CA12: variants seen among roughly 807,000 people sequenced by gnomAD.
The protein encoded by CA12 is carbonate dehydratase XII.
CA12 carries 36 observed loss-of-function variants against 46.8 expected under a neutral mutation model. The ratio of observed to expected loss-of-function variants is 0.77; its 90% CI spans 0.59 to 1.02. The LOEUF (loss-of-function observed/expected upper bound fraction) is 1.02, where lower values mean the gene tolerates loss of function less well. Ranked by LOEUF, CA12 falls within the 50% of genes least tolerant of loss-of-function variation. The pLI, the probability that CA12 is intolerant of heterozygous loss-of-function variation, is 0.00. For synonymous variants in CA12, 202 were observed against 187.0 expected (o/e 1.08, Z -0.65); for missense variants, 436 against 451.4 (o/e 0.97, Z 0.31).
chr15:63,381,828 G>T lies in CA12; in HGVS notation c.-108C>A. ...GCGTGCGCGCAGCCTGGGTGCCGTG[G>T]CGAGTACGTCCGCCCTTCGCTCTCC... is the stretch of plus-strand genomic sequence containing the variant. On this transcript the variant is annotated 5_prime_UTR_variant, in exon 1 of 11. Transcript: ENST00000178638. 1 of 668,848 alleles carries T rather than the reference G, an allele frequency of 1.5e-6. No homozygotes were observed. The highest frequency in any genetic ancestry group is 2.3e-6 in the Non-Finnish European group (1 of 435,546). The allele number at this position is 668,848 out of a possible 1,614,324, so 41.4% of individuals were successfully genotyped here. A position where few individuals can be genotyped will look rare whatever the true frequency, so the allele number is the denominator to read the frequency against.
At chr15:63,333,881 C>A (rs1034882595) in intron 8 of CA12, among the ~76,000 whole-genome samples, 10 of 152,194 alleles carry the variant, frequency 6.6e-5, no homozygotes, top group Non-Finnish European at 1.5e-4. Flanking sequence ...ATTATAGAAA[C>A]TTCTTGGCTT....
intron 8 of CA12, among the ~76,000 whole-genome samples, chr15:63,337,879 T>C (rs555508487): frequency 2.0e-5 from 3 of 152,182 alleles, no homozygotes; most frequent in African/African-American, 7.2e-5. Flanking sequence ...TCTTTAAATA[T>C]GAACGCCAGG....
intron 2 of CA12, among the ~76,000 whole-genome samples, chr15:63,363,944 T>C (rs1421827290): frequency 6.6e-6 from 1 of 151,920 alleles, no homozygotes; most frequent in African/African-American, 2.4e-5. Flanking sequence ...TCCTGGCACT[T>C]TGGGAGGCCG....
At chr15:63,332,686 T>C (rs921715211) in intron 8 of CA12, among the ~76,000 whole-genome samples, 2 of 152,166 alleles carry the variant, frequency 1.3e-5, no homozygotes, top group Non-Finnish European at 2.9e-5. Flanking sequence ...CTTAAACAAA[T>C]GGTTGATTTT....
At chr15:63,351,617 C>A (rs985957768) in intron 2 of CA12, among the ~76,000 whole-genome samples, 1 of 152,184 alleles carries the variant, frequency 6.6e-6, no homozygotes, top group African/African-American at 2.4e-5. Flanking sequence ...TCACAAATGC[C>A]GTTATGAAAA....
intron 10 of CA12, among the ~76,000 whole-genome samples, chr15:63,326,679 C>A (rs1276928498): frequency 1.3e-5 from 2 of 151,948 alleles, no homozygotes; most frequent in African/African-American, 4.8e-5. Context: ...TTCATACCCC[C>A]CCCAAATAAA....
chr15:63,368,020 A>G (rs1007996215), intron 2 of CA12, among the ~76,000 whole-genome samples: 1 of 152,190 alleles, frequency 6.6e-6, no homozygotes. Context: ...CCAGGTGCAT[A>G]ATGGCCGTTA....
At chr15:63,336,288 C>G (rs187435935) in intron 8 of CA12, among the ~76,000 whole-genome samples, 3 of 152,334 alleles carry the variant, frequency 2.0e-5, no homozygotes, top group Non-Finnish European at 2.9e-5. Flanking sequence ...CGCTGCCCCA[C>G]TACAAGCAGC....
chr15:63,326,187 C>T lies in CA12; in HGVS notation c.*98G>A. The T allele has an allele frequency of 1.1e-6, 1 of 938,922 alleles. No homozygotes were observed. The highest frequency in any genetic ancestry group is 1.8e-6 in the Non-Finnish European group (1 of 571,390). 58.2% of individuals were successfully genotyped at this position (938,922 alleles called of 1,614,324 possible). Reference sequence around the variant, plus strand: ...CCTGGCATGTTTGCAGATTGAGCTACAGAGAACACCTTGAGGTGTCGCAAG... The same window carrying T: ...CCTGGCATGTTTGCAGATTGAGCTATAGAGAACACCTTGAGGTGTCGCAAG... On this transcript the variant is annotated 3_prime_UTR_variant, in exon 11 of 11. Transcript: ENST00000178638.
chr15:63,377,015 A>C (rs1031794461), intron 1 of CA12, among the ~76,000 whole-genome samples: 2 of 152,200 alleles, frequency 1.3e-5, no homozygotes, highest in Non-Finnish European at 2.9e-5. Context: ...AGGAATGTGT[A>C]GGCAAAGTTC....
chr15:63,346,855 C>T, intron 2 of CA12, 146 bp from the exon 3 acceptor site: 2 of 939,166 alleles, frequency 2.1e-6, no homozygotes, highest in Non-Finnish European at 1.6e-6. Context: ...GAGTCTTGGC[C>T]TCCAGAATCA....
chr15:63,344,423 C>T (rs948450553), intron 4 of CA12, among the ~76,000 whole-genome samples: 7 of 152,260 alleles, frequency 4.6e-5, no homozygotes, highest in African/African-American at 1.7e-4. Flanking sequence ...GAGTCTCAGA[C>T]ACTTTTTGGT....
At chr15:63,354,284 T>G (rs1166729435) in intron 2 of CA12, among the ~76,000 whole-genome samples, 2 of 152,250 alleles carry the variant, frequency 1.3e-5, no homozygotes, top group Non-Finnish European at 2.9e-5. Context: ...TTACTTGTTA[T>G]GAATAAAGCT....
Position 63,341,976 on chromosome 15 carries a change from C to G in CA12, c.525+26G>C, listed in dbSNP as rs183041057. 1 of 1,539,554 alleles carries G rather than the reference C, an allele frequency of 6.5e-7. No individual in the cohort carries two copies. Among genetic ancestry groups the G allele is most frequent in the East Asian group, 2.2e-5 (1 of 44,544 alleles). On this transcript the variant is annotated intron_variant, in intron 5 of 10. Coordinates refer to ENST00000178638, the MANE Select transcript of CA12 (RefSeq NM_001218.5). The surrounding 1 kb of genome is among the most constrained non-coding windows in gnomAD (Gnocchi z 5.2). ...ATCTCATCCCTGCTTCAAATTTCAC[C>G]TAAGAACCTTTTAAATATCTCTTAC...
chr15:63,353,737 G>T (rs1475023380), intron 2 of CA12, among the ~76,000 whole-genome samples: 3 of 152,090 alleles, frequency 2.0e-5, no homozygotes, highest in Non-Finnish European at 1.5e-5. Context: ...TAAAGAGATG[G>T]GGTCTTGCTA....
At chr15:63,381,412 C>G (rs1402133295) in intron 1 of CA12, among the ~76,000 whole-genome samples, 1 of 152,226 alleles carries the variant, frequency 6.6e-6, no homozygotes, top group African/African-American at 2.4e-5. Context: ...TACACGCAAA[C>G]ATTTTAACAC....
Position 63,348,191 on chromosome 15 carries a change from A to G in CA12, c.107-1482T>C, listed in dbSNP as rs1243677377. On this transcript the variant is annotated intron_variant, in intron 2 of 10. Coordinates refer to ENST00000178638, the MANE Select transcript of CA12 (RefSeq NM_001218.5). This position sits in a 1 kb window ranked among gnomAD's most constrained non-coding sequence, Gnocchi z 4.6. ...TAGGCTATGCATTTTCAGAAATGTT[A>G]CAGCATGACGGAATTGCAGAATCTC... Among the ~76,000 whole-genome samples the G allele has an allele frequency of 2.0e-5, 3 of 152,224 alleles. No homozygotes were observed. Among genetic ancestry groups the G allele is most frequent in the Non-Finnish European group, 4.4e-5 (3 of 68,050 alleles).
At position 63,338,800 on chromosome 15, in the gene CA12, C is replaced by G. The variant is rs200004591; in HGVS notation, c.874+19G>C. The stretch of plus-strand genomic sequence containing the variant: ...ACCACACTCCCGCACCCCCTCCCCC[C>G]AGCACTGCCTCTCCTCACCTTGGGA... On this transcript the variant is annotated intron_variant, in intron 8 of 10. Transcript: ENST00000178638. 6.3e-5 allele frequency: 101 copies of G among 1,613,762 alleles called. No homozygotes were observed. In the African/African-American group the frequency reaches 1.3e-3, roughly 20 times the overall value.
chr15:63,341,501 G>A lies in CA12; in HGVS notation c.525+501C>T, dbSNP rs976698446. 6.6e-6 allele frequency among the ~76,000 whole-genome samples: 1 copy of A among 152,194 alleles called. No homozygotes were observed. The highest frequency in any genetic ancestry group is 6.5e-5 in the Admixed American group (1 of 15,280). On this transcript the variant is annotated intron_variant, in intron 5 of 10. Transcript: ENST00000178638. The surrounding 1 kb of genome is among the most constrained non-coding windows in gnomAD (Gnocchi z 5.2). Reference sequence around the variant, plus strand: ...TAACTAATGCTTGATGATCTGAGGTGGAACAGTTTCATCCCAAAACCATCT... The same window carrying A: ...TAACTAATGCTTGATGATCTGAGGTAGAACAGTTTCATCCCAAAACCATCT...
Sources: gnomAD v4.1 joint callset for allele counts (sites outside exome capture counted in the v4.1 genomes callset) on GRCh38, gnomAD v4.1.1 for gene constraint, Gnocchi (gnomAD v3.1) non-coding constraint, MANE v1.5 for transcripts, NCBI Gene and HGNC (gene_info 2026-07-23, HGNC 2026-07-21) for gene names.